Variants in SORBS2 observed in about 807,000 individuals in gnomAD.
The protein encoded by SORBS2 is sorbin and SH3 domain-containing protein 2.
In SORBS2, 46 loss-of-function variants were observed where a neutral mutation model predicts 97.7. That is an observed-to-expected ratio of 0.47 (90% CI 0.37 to 0.60). SORBS2 has a LOEUF of 0.60. SORBS2 is among the 20% of genes least tolerant of loss of function. The pLI is 0.00. For missense variants in SORBS2, 1,316 were observed against 1,282.3 expected, an observed-to-expected ratio of 1.03 and a Z score of -0.40; for synonymous variants, 476 against 473.4, an observed-to-expected ratio of 1.01 and a Z score of -0.07.
intron 1 of SORBS2, among the ~76,000 whole-genome samples, chr4:185,951,550 C>T (rs1037390137): frequency 7.9e-5 from 12 of 152,232 alleles, no homozygotes; most frequent in African/African-American, 2.9e-4. Context: ...GGATTAGGCT[C>T]CTGCACTAAT....
intron 13 of SORBS2, among the ~76,000 whole-genome samples, chr4:185,592,296 A>C (rs911078893): frequency 1.3e-5 from 2 of 152,230 alleles, no homozygotes; most frequent in East Asian, 3.8e-4. Flanking sequence ...AATCCCACTA[A>C]TTCAGGCTAT....
chr4:185,754,421 C>T (rs2098818895), intron 2 of SORBS2, among the ~76,000 whole-genome samples: 1 of 152,090 alleles, frequency 6.6e-6, no homozygotes, highest in Non-Finnish European at 1.5e-5. Flanking sequence ...CCGTAACATG[C>T]TATCAATCTA....
chr4:185,658,723 G>T (rs1316516561), upstream of SORBS2, among the ~76,000 whole-genome samples: 2 of 125,394 alleles, frequency 1.6e-5, no homozygotes, highest in Non-Finnish European at 3.2e-5. Context: ...ATGGAGTCTC[G>T]CTCTGTCACC....
intron 1 of SORBS2, among the ~76,000 whole-genome samples, chr4:185,871,412 G>A (rs781750160): frequency 1.9e-4 from 29 of 152,178 alleles, no homozygotes; most frequent in Non-Finnish European, 3.8e-4. Flanking sequence ...GTGCTATGAG[G>A]AATGCCTGGG....
At chr4:185,907,710 A>G (rs2099251842) in intron 1 of SORBS2, among the ~76,000 whole-genome samples, 1 of 152,182 alleles carries the variant, frequency 6.6e-6, no homozygotes, top group Admixed American at 6.5e-5. Context: ...ATGTTATTAT[A>G]GGTATAGATA....
Position 185,635,416 on chromosome 4 carries a change from G to T in SORBS2, c.397-4818C>A, listed in dbSNP as rs754275027. 2.5e-6 allele frequency: 4 copies of T among 1,611,978 alleles called. No homozygotes were observed. The highest frequency in any genetic ancestry group is 1.7e-4 in the Middle Eastern group (1 of 6,060). ...GTCCAGAGGCTTTTTAGGAGGCTGGGTGTAGACGCACCACAGAAGCAGAAG... is the reference window on the plus strand; with the variant it reads ...GTCCAGAGGCTTTTTAGGAGGCTGGTTGTAGACGCACCACAGAAGCAGAAG... On this transcript the variant is annotated intron_variant, in intron 4 of 14. Transcript: ENST00000418609.
chr4:185,830,328 G>C (rs1258351505), intron 1 of SORBS2, among the ~76,000 whole-genome samples: 3 of 152,238 alleles, frequency 2.0e-5, no homozygotes, highest in African/African-American at 4.8e-5. Flanking sequence ...GGATTTGCAA[G>C]ATGACCATAT....
chr4:185,677,335 C>T (rs2097802048), intron 4 of SORBS2: 3 of 1,552,360 alleles, frequency 1.9e-6, no homozygotes, highest in Non-Finnish European at 2.6e-6. Flanking sequence ...CTGTAGTCCT[C>T]TTGTAGAACT....
intron 1 of SORBS2, among the ~76,000 whole-genome samples, chr4:185,921,059 T>G (rs2099260701): frequency 6.6e-6 from 1 of 152,200 alleles, no homozygotes. Flanking sequence ...GATACTTTCC[T>G]TGTCAATTAC....
chr4:185,736,431 T>A (rs2098688262), intron 2 of SORBS2, among the ~76,000 whole-genome samples: 1 of 152,178 alleles, frequency 6.6e-6, no homozygotes, highest in Non-Finnish European at 1.5e-5. Flanking sequence ...ACAAAGCAAC[T>A]GGGCATTCTG....
chr4:185,652,430 T>C (rs1465856875), intron 2 of SORBS2, among the ~76,000 whole-genome samples: 3 of 151,980 alleles, frequency 2.0e-5, no homozygotes, highest in Non-Finnish European at 4.4e-5. Flanking sequence ...GAGGCCAGAG[T>C]GCCTGGTTGT....
At chr4:185,751,535 C>T (rs761671771) in intron 2 of SORBS2, among the ~76,000 whole-genome samples, 5 of 152,170 alleles carry the variant, frequency 3.3e-5, no homozygotes, top group Non-Finnish European at 7.3e-5. Context: ...AGGACTGATT[C>T]TAGCATGAGA....
At chr4:185,836,475 C>T (rs545124664) in intron 1 of SORBS2, among the ~76,000 whole-genome samples, 78 of 152,276 alleles carry the variant, frequency 5.1e-4, no homozygotes, top group Non-Finnish European at 9.1e-4. Flanking sequence ...TTAGTAAAAG[C>T]AATTTAAATA....
At chr4:185,857,857 AC>A (rs1308884429) in intron 1 of SORBS2, among the ~76,000 whole-genome samples, 1 of 152,032 alleles carries the variant, frequency 6.6e-6, no homozygotes, top group African/African-American at 2.4e-5. Flanking sequence ...CTGCTCTCAA[AC>A]CCTGTTTCCT....
At chr4:185,934,610 AAACAAC>A (rs572166022) in intron 1 of SORBS2, among the ~76,000 whole-genome samples, 2 of 151,750 alleles carry the variant, frequency 1.3e-5, no homozygotes, top group Non-Finnish European at 2.9e-5. Flanking sequence ...AAAATACAAA[AAACAAC>A]AACAACAACA....
chr4:185,827,935 CCAT>C (rs539610381), intron 1 of SORBS2, among the ~76,000 whole-genome samples: 274 of 137,586 alleles, frequency 2.0e-3, no homozygotes, highest in African/African-American at 5.6e-3. Context: ...ACCATCATCA[CCAT>C]CATCATCATC....
rs540698801 is a variant in SORBS2 at position 185,680,697 on chromosome 4, C to T, written c.-197-1875G>A. ...GAAGGCTGTGTGTTAGCGCTGGGGA[C>T]GAGGTAATGGGACCCAGAGGCTTGG... On this transcript the variant is annotated intron_variant, in intron 2 of 20. Transcript: ENST00000284776. Among the ~76,000 whole-genome samples the T allele has an allele frequency of 5.9e-5, 9 of 151,948 alleles. 1 individual carries two copies. The South Asian group carries it at 1.7e-3, about 28-fold the overall frequency.
exon 6 of SORBS2, chr4:185,626,917 T>C (rs1178244391): frequency 6.2e-7 from 1 of 1,614,136 alleles, no homozygotes; most frequent in East Asian, 2.2e-5. Context: ...CCACTCGGCC[T>C]GGGCTAGTCC....
chr4:185,799,411 C>T (rs1342790259), intron 1 of SORBS2, among the ~76,000 whole-genome samples: 1 of 152,188 alleles, frequency 6.6e-6, no homozygotes, highest in East Asian at 1.9e-4. Context: ...GGGAAGTTTT[C>T]TAACAAATAC....
Sources: allele counts gnomAD v4.1 joint callset (sites outside exome capture counted in the v4.1 genomes callset), GRCh38; gene constraint gnomAD v4.1.1; transcripts MANE v1.5; gene names NCBI Gene and HGNC (gene_info 2026-07-23, HGNC 2026-07-21).